Variants in SLC4A10 observed in about 807,000 individuals in gnomAD.
SLC4A10 encodes the protein solute carrier family 4 member 10, also known as sodium-driven chloride bicarbonate exchanger.
A neutral mutation model predicts 137.7 loss-of-function variants in SLC4A10; 42 were observed. That is an observed-to-expected ratio of 0.30 (90% CI 0.24 to 0.39). The LOEUF is 0.39. SLC4A10 is among the 10% of genes least tolerant of loss of function. SLC4A10 has a pLI of 1.00. For synonymous variants in SLC4A10, 474 were observed against 464.1 expected, an observed-to-expected ratio of 1.02 and a Z score of -0.27; for missense variants, 925 against 1,355.0, an observed-to-expected ratio of 0.68 and a Z score of 4.98.
At chr2:161,905,322 A>G (rs1451466629) in intron 14 of SLC4A10, among the ~76,000 whole-genome samples, 1 of 152,172 alleles carries the variant, frequency 6.6e-6, no homozygotes, top group Non-Finnish European at 1.5e-5. Flanking sequence ...CACAATCTAG[A>G]TTCCTCACAT....
chr2:161,661,036 A>G (rs192930697), intron 1 of SLC4A10, among the ~76,000 whole-genome samples: 1 of 152,094 alleles, frequency 6.6e-6, no homozygotes, highest in Non-Finnish European at 1.5e-5. Flanking sequence ...AGCACCCCAG[A>G]TCACATATTG....
intron 1 of SLC4A10, among the ~76,000 whole-genome samples, chr2:161,755,871 G>T (rs1304089411): frequency 1.3e-5 from 2 of 151,186 alleles, no homozygotes; most frequent in African/African-American, 4.9e-5. Flanking sequence ...CCCAGGTAAA[G>T]AGATTCTCCT....
At chr2:161,643,951 A>C (rs937102329) in intron 1 of SLC4A10, among the ~76,000 whole-genome samples, 13 of 151,982 alleles carry the variant, frequency 8.6e-5, no homozygotes, top group African/African-American at 2.7e-4. Flanking sequence ...AGGATTTAGG[A>C]TGGTATAATT....
chr2:161,758,415 C>T (rs1482984116), intron 1 of SLC4A10, among the ~76,000 whole-genome samples: 2 of 151,834 alleles, frequency 1.3e-5, no homozygotes, highest in Non-Finnish European at 2.9e-5. Flanking sequence ...ATAAAAAAAT[C>T]TTGAAGTTTC....
intron 1 of SLC4A10, among the ~76,000 whole-genome samples, chr2:161,720,824 C>CTTTTTTTTTTTTTTTTTTTTT (rs375436761): frequency 6.9e-6 from 1 of 145,234 alleles, no homozygotes. Flanking sequence ...AGTCTTGACT[C>CTTTTTTTTTTTTTTTTTTTTT]TTTTTTTTTT....
chr2:161,897,607 T>C (rs771256881), intron 11 of SLC4A10, among the ~76,000 whole-genome samples: 10 of 152,176 alleles, frequency 6.6e-5, no homozygotes, highest in Non-Finnish European at 1.2e-4. Context: ...TTCATAATTA[T>C]TAAAGACTAT....
intron 15 of SLC4A10, among the ~76,000 whole-genome samples, chr2:161,925,294 G>A (rs1163727713): frequency 6.6e-6 from 1 of 152,112 alleles, no homozygotes; most frequent in Non-Finnish European, 1.5e-5. Context: ...ATGTGTCGAG[G>A]AATTTATCCA....
At chr2:161,800,474 C>T (rs568321985) in intron 2 of SLC4A10, among the ~76,000 whole-genome samples, 2 of 151,962 alleles carry the variant, frequency 1.3e-5, no homozygotes, top group Non-Finnish European at 2.9e-5. Context: ...AGATACCTGC[C>T]TTGCTTGTAT....
chr2:161,859,594 CTTTTTT>C (rs72003642), intron 5 of SLC4A10, among the ~76,000 whole-genome samples: 13 of 47,284 alleles, frequency 2.7e-4, no homozygotes, highest in African/African-American at 9.9e-4. Context: ...CTTTTCTTTT[CTTTTTT>C]TTTTTTTTTT....
intron 2 of SLC4A10, among the ~76,000 whole-genome samples, chr2:161,800,339 A>G (rs1028953357): frequency 6.6e-6 from 1 of 152,018 alleles, no homozygotes; most frequent in Non-Finnish European, 1.5e-5. Flanking sequence ...TCTACTTTCT[A>G]TCTATTATAC....
chr2:161,891,757 G>A (rs2126025208), intron 10 of SLC4A10, among the ~76,000 whole-genome samples: 1 of 152,020 alleles, frequency 6.6e-6, no homozygotes, highest in East Asian at 2.0e-4. Context: ...CTTTAGCTTG[G>A]AGGAGTTTGT....
rs748836753 is a variant in SLC4A10 at position 161,917,988 on chromosome 2, G to C, written c.1997+12101G>C. On this transcript the variant is annotated intron_variant, in intron 15 of 26. Transcript: ENST00000446997. The stretch of plus-strand genomic sequence containing the variant: ...GTGAAAGAGCTAAGGTAAACCCCAA[G>C]ACATCTAATGCTTTGTCGAACACTC... 4.1e-4 allele frequency among the ~76,000 whole-genome samples: 63 copies of C among 152,202 alleles called. 1 individual carries two copies. Among genetic ancestry groups the C allele is most frequent in the Admixed American group, 4.6e-4 (7 of 15,272 alleles).
intron 1 of SLC4A10, among the ~76,000 whole-genome samples, chr2:161,701,828 A>G (rs192715716): frequency 5.9e-5 from 9 of 151,852 alleles, no homozygotes; most frequent in Admixed American, 5.9e-4. Flanking sequence ...ATCATCAGAG[A>G]TATGCAAATC....
At chr2:161,816,941 C>A (rs990388297) in intron 3 of SLC4A10, among the ~76,000 whole-genome samples, 1 of 152,114 alleles carries the variant, frequency 6.6e-6, no homozygotes, top group Admixed American at 6.6e-5. Flanking sequence ...AATAAACATA[C>A]ATGTGCATGT....
intron 9 of SLC4A10, among the ~76,000 whole-genome samples, chr2:161,879,646 ATCCTGTG>A (rs2061643206): frequency 6.6e-6 from 1 of 150,836 alleles, no homozygotes; most frequent in African/African-American, 2.4e-5. Context: ...GAAAGAAAGG[ATCCTGTG>A]CATGAGTGCG....
chr2:161,675,544 T>G (rs2040190582), intron 1 of SLC4A10, among the ~76,000 whole-genome samples: 1 of 152,212 alleles, frequency 6.6e-6, no homozygotes, highest in Admixed American at 6.5e-5. Context: ...AAACCACATA[T>G]GCTAACCCTC....
intron 1 of SLC4A10, among the ~76,000 whole-genome samples, chr2:161,680,048 A>G (rs1056295683): frequency 3.9e-5 from 6 of 152,066 alleles, no homozygotes; most frequent in Non-Finnish European, 7.4e-5. Context: ...GCCTTTGTCT[A>G]TGGTGTTTCC....
At chr2:161,919,208 G>T (rs181574738) in intron 15 of SLC4A10, among the ~76,000 whole-genome samples, 23 of 152,272 alleles carry the variant, frequency 1.5e-4, no homozygotes, top group African/African-American at 5.5e-4. Flanking sequence ...AGGCCAAGGT[G>T]GGGCTGAAGG....
intron 4 of SLC4A10, among the ~76,000 whole-genome samples, chr2:161,846,376 A>G (rs1396559285): frequency 6.6e-6 from 1 of 152,196 alleles, no homozygotes; most frequent in Admixed American, 6.5e-5. Context: ...TGCTGGTGTG[A>G]ATGTAAAATG....
Sources: gnomAD v4.1 joint callset for allele counts (sites outside exome capture counted in the v4.1 genomes callset) on GRCh38, gnomAD v4.1.1 for gene constraint, MANE v1.5 for transcripts, NCBI Gene and HGNC (gene_info 2026-07-23, HGNC 2026-07-21) for gene names.